Variants in LHFPL3 observed in about 807,000 individuals in gnomAD.
LHFPL3 encodes LHFPL tetraspan subfamily member 3 protein.
Under a neutral mutation model 19.3 loss-of-function variants are expected in LHFPL3, and 5 were observed. The ratio of observed to expected loss-of-function variants is 0.26; its 90% CI spans 0.14 to 0.54. LHFPL3 has a LOEUF of 0.54. LHFPL3 is among the 20% of genes least tolerant of loss of function. LHFPL3 has a pLI of 0.94. For missense variants in LHFPL3, 249 were observed against 307.4 expected, an observed-to-expected ratio of 0.81 and a Z score of 1.42; for synonymous variants, 133 against 126.2, an observed-to-expected ratio of 1.05 and a Z score of -0.36.
intron 1 of LHFPL3, among the ~76,000 whole-genome samples, chr7:104,568,042 A>C (rs1427936075): frequency 6.6e-6 from 1 of 152,196 alleles, no homozygotes; most frequent in African/African-American, 2.4e-5. Flanking sequence ...CAAGAGGATG[A>C]GTCTAATTCC....
rs774464424 is a variant in LHFPL3 at position 104,737,012 on chromosome 7, T to G, written c.682+101T>G. ...AATACTAGTGCTTCCCCTGAGGTTC[T>G]AATTTGCTGCCTCTTTTAATACCGT... On this transcript the variant is annotated intron_variant, in intron 2 of 2. Transcript: ENST00000424859. The G allele has an allele frequency of 3.5e-6, 3 of 866,390 alleles. No individual in the cohort carries two copies. In the African/African-American group the frequency reaches 5.1e-5, roughly 15 times the overall value. The allele number at this position is 866,390 out of a possible 1,614,324, so 53.7% of individuals were successfully genotyped here. A position where few individuals can be genotyped will look rare whatever the true frequency, so the allele number is the denominator to read the frequency against.
At chr7:104,652,216 A>G (rs1487185136) in intron 1 of LHFPL3, among the ~76,000 whole-genome samples, 12 of 152,144 alleles carry the variant, frequency 7.9e-5, no homozygotes, top group African/African-American at 2.9e-4. Context: ...AACCTGGGGC[A>G]GTGGGCAGTG....
chr7:104,372,667 A>C (rs1419622300), intron 1 of LHFPL3, among the ~76,000 whole-genome samples: 1 of 152,174 alleles, frequency 6.6e-6, no homozygotes. Flanking sequence ...CATTTGTAAA[A>C]TAGGAGTGAT....
At chr7:104,596,260 G>A (rs1309156847) in intron 1 of LHFPL3, among the ~76,000 whole-genome samples, 2 of 152,216 alleles carry the variant, frequency 1.3e-5, no homozygotes, top group African/African-American at 4.8e-5. Context: ...TCATAAAGGT[G>A]CATTTATTCA....
At chr7:104,578,610 G>T (rs1252092734) in intron 1 of LHFPL3, among the ~76,000 whole-genome samples, 2 of 152,166 alleles carry the variant, frequency 1.3e-5, no homozygotes, top group Non-Finnish European at 2.9e-5. Context: ...TCTTGACCTT[G>T]CTTCAGCTTT....
At chr7:104,776,111 T>C (rs10499957) in intron 2 of LHFPL3, among the ~76,000 whole-genome samples, 39,998 of 152,076 alleles carry the variant, frequency 0.26, 6,018 homozygotes, top group East Asian at 0.73. Context: ...TCTAAATGTA[T>C]CCTAAGAACA....
intron 1 of LHFPL3, among the ~76,000 whole-genome samples, chr7:104,594,062 A>ATT (rs1360235657): frequency 6.6e-6 from 1 of 152,142 alleles, no homozygotes; most frequent in Non-Finnish European, 1.5e-5. Flanking sequence ...GTATGTGTGA[A>ATT]TTTGATCCTG....
At chr7:104,586,692 A>C (rs1292332834) in intron 1 of LHFPL3, among the ~76,000 whole-genome samples, 8 of 152,170 alleles carry the variant, frequency 5.3e-5, no homozygotes, top group Admixed American at 5.2e-4. Context: ...CATTGTCTAC[A>C]CACTGAATTT....
chr7:104,587,647 G>T (rs1226080624), intron 1 of LHFPL3, among the ~76,000 whole-genome samples: 2 of 152,140 alleles, frequency 1.3e-5, no homozygotes, highest in East Asian at 3.9e-4. Flanking sequence ...TAATGGGATG[G>T]CTGGGTCAAA....
chr7:104,778,003 A>G (rs1395786175), intron 2 of LHFPL3, among the ~76,000 whole-genome samples: 2 of 152,162 alleles, frequency 1.3e-5, no homozygotes, highest in Non-Finnish European at 2.9e-5. Flanking sequence ...TCCTTCCCCA[A>G]ACAGTGCTCA....
chr7:104,470,075 T>C (rs1238442535), intron 1 of LHFPL3: 1 of 455,920 alleles, frequency 2.2e-6, no homozygotes. Context: ...ATGGAAAGAA[T>C]GGTAGTGAGA....
At chr7:104,444,929 G>A (rs1387680025) in intron 1 of LHFPL3, among the ~76,000 whole-genome samples, 8 of 151,966 alleles carry the variant, frequency 5.3e-5, no homozygotes, top group Non-Finnish European at 1.2e-4. Context: ...TGGAGGTTGC[G>A]GTGAGTTGAA....
chr7:104,511,756 C>G lies in LHFPL3; in HGVS notation c.445+182532C>G, dbSNP rs552725763. Among the ~76,000 whole-genome samples, 3 of 152,150 alleles carry G rather than the reference C, an allele frequency of 2.0e-5. No homozygotes were observed. In the East Asian group the frequency reaches 5.8e-4, roughly 29 times the overall value. On this transcript the variant is annotated intron_variant, in intron 1 of 2. Coordinates refer to ENST00000424859, the MANE Select transcript of LHFPL3 (RefSeq NM_199000.3). ...GGGTGCACCAAAATCTCAGAAATCACCACTAAAGATCTTATTCATGTAACC... is the reference window on the plus strand; with the variant it reads ...GGGTGCACCAAAATCTCAGAAATCAGCACTAAAGATCTTATTCATGTAACC...
chr7:104,742,026 C>T (rs1415772977), intron 2 of LHFPL3, among the ~76,000 whole-genome samples: 1 of 152,088 alleles, frequency 6.6e-6, no homozygotes, highest in Non-Finnish European at 1.5e-5. Flanking sequence ...AGGCATTTAA[C>T]CTTGATATGC....
At chr7:104,413,209 A>G (rs994914228) in intron 1 of LHFPL3, among the ~76,000 whole-genome samples, 1 of 152,170 alleles carries the variant, frequency 6.6e-6, no homozygotes, top group Non-Finnish European at 1.5e-5. Flanking sequence ...GTGAGACCCC[A>G]GGTAGTGTTG....
intron 1 of LHFPL3, among the ~76,000 whole-genome samples, chr7:104,464,770 T>C (rs1792744405): frequency 6.6e-6 from 1 of 152,218 alleles, no homozygotes; most frequent in African/African-American, 2.4e-5. Flanking sequence ...GAGACCATTT[T>C]TCCCTCCTAG....
At chr7:104,510,110 A>G (rs1197729092) in intron 1 of LHFPL3, among the ~76,000 whole-genome samples, 2 of 113,054 alleles carry the variant, frequency 1.8e-5, no homozygotes, top group East Asian at 6.1e-4. Flanking sequence ...GAAGAGACAT[A>G]CCATCTTCAT....
chr7:104,779,858 A>G (rs1188638465), intron 2 of LHFPL3, among the ~76,000 whole-genome samples: 1 of 152,218 alleles, frequency 6.6e-6, no homozygotes, highest in African/African-American at 2.4e-5. Flanking sequence ...TCGCCGGAGC[A>G]GTTTCATGGC....
intron 2 of LHFPL3, among the ~76,000 whole-genome samples, chr7:104,867,778 AAG>A (rs1260753389): frequency 6.6e-6 from 1 of 152,184 alleles, no homozygotes; most frequent in Non-Finnish European, 1.5e-5. Flanking sequence ...ACAACAAAAA[AAG>A]AGAATTTTAG....
Sources: gnomAD v4.1 joint callset for allele counts (sites outside exome capture counted in the v4.1 genomes callset) on GRCh38, gnomAD v4.1.1 for gene constraint, MANE v1.5 for transcripts, NCBI Gene and HGNC (gene_info 2026-07-23, HGNC 2026-07-21) for gene names.